CLEC19A: variants seen among roughly 807,000 people sequenced by gnomAD.
The protein encoded by CLEC19A is C-type lectin domain family 19 member A.
CLEC19A carries 21 observed loss-of-function variants against 26.1 expected under a neutral mutation model. The ratio of observed to expected loss-of-function variants is 0.80; its 90% CI spans 0.57 to 1.16. CLEC19A has a LOEUF of 1.16. Ranked by LOEUF, CLEC19A falls within the 50% of genes most tolerant of loss-of-function variation. CLEC19A has a pLI of 0.00. For missense variants in CLEC19A, 224 were observed against 227.6 expected, an observed-to-expected ratio of 0.98 and a Z score of 0.10; for synonymous variants, 89 against 88.6, an observed-to-expected ratio of 1.00 and a Z score of -0.03.
chr16:19,306,171 G>T (rs1431413275), intron 3 of CLEC19A, among the ~76,000 whole-genome samples: 1 of 147,746 alleles, frequency 6.8e-6, no homozygotes, highest in African/African-American at 2.5e-5. Flanking sequence ...CTTGAGACAG[G>T]GTCTTGCTCT....
intron 2 of CLEC19A, among the ~76,000 whole-genome samples, chr16:19,300,324 G>A (rs1320012517): frequency 6.6e-5 from 10 of 152,156 alleles, no homozygotes; most frequent in African/African-American, 2.4e-5. Flanking sequence ...TAAGATGGGA[G>A]GATTGCTTGA....
chr16:19,290,079 G>A (rs2143008586), intron 1 of CLEC19A, among the ~76,000 whole-genome samples: 1 of 152,218 alleles, frequency 6.6e-6, no homozygotes, highest in South Asian at 2.1e-4. Flanking sequence ...GGGGCCAGGG[G>A]AGCCAGCAGC....
intron 1 of CLEC19A, among the ~76,000 whole-genome samples, chr16:19,293,072 C>T (rs138957678): frequency 4.6e-5 from 7 of 152,084 alleles, no homozygotes; most frequent in Admixed American, 1.3e-4. Context: ...GAATTAGAGA[C>T]GTGTTTAGGA....
intron 3 of CLEC19A, among the ~76,000 whole-genome samples, chr16:19,305,530 T>C (rs1897933482): frequency 6.6e-6 from 1 of 152,200 alleles, no homozygotes; most frequent in African/African-American, 2.4e-5. Flanking sequence ...CGTGTATGCT[T>C]CTTGCCTTGC....
chr16:19,295,187 G>A (rs1315610248), intron 1 of CLEC19A, among the ~76,000 whole-genome samples: 1 of 151,948 alleles, frequency 6.6e-6, no homozygotes, highest in Non-Finnish European at 1.5e-5. Flanking sequence ...CCCAGGATGT[G>A]GGACTCTCAG....
In CLEC19A at chr16:19,307,220, T is replaced by C. The variant is rs923927453; in HGVS notation, c.349-325T>C. ...ACTAATGCTTTATTTGCTGTGTGAA[T>C]TTGGGTAGACCAATCTGAGTCTCAG... is the stretch of plus-strand genomic sequence containing the variant. On this transcript the variant is annotated intron_variant, in intron 3 of 4. Transcript: ENST00000636231. 7.9e-5 allele frequency among the ~76,000 whole-genome samples: 12 copies of C among 152,198 alleles called. 1 individual carries two copies. Among genetic ancestry groups the C allele is most frequent in the Admixed American group, 6.5e-5 (1 of 15,288 alleles).
chr16:19,295,697 A>G (rs1897692418), intron 1 of CLEC19A, among the ~76,000 whole-genome samples: 1 of 152,202 alleles, frequency 6.6e-6, no homozygotes, highest in African/African-American at 2.4e-5. Flanking sequence ...GTTCTCATGG[A>G]TGAGTGTCCT....
chr16:19,308,376 G>A (rs1025309531), intron 4 of CLEC19A, among the ~76,000 whole-genome samples: 12 of 152,040 alleles, frequency 7.9e-5, no homozygotes, highest in African/African-American at 1.4e-4. Context: ...CAGATTCTTT[G>A]TCTTCAAAAT....
At chr16:19,292,343 G>A (rs74812070) in intron 1 of CLEC19A, among the ~76,000 whole-genome samples, 4,907 of 152,174 alleles carry the variant, frequency 0.032, 117 homozygotes, top group Non-Finnish European at 0.053. Flanking sequence ...GTTGGCCTTC[G>A]TAGCAATCGT....
At position 19,310,344 on chromosome 16, in the gene CLEC19A, A is replaced by T. The variant is rs921783142; in HGVS notation, c.*1261A>T. 4 of 151,960 alleles carry T rather than the reference A, an allele frequency of 2.6e-5. No homozygotes were observed. Among genetic ancestry groups the T allele is most frequent in the African/African-American group, 9.7e-5 (4 of 41,340 alleles). The allele number at this position is 151,960 out of a possible 1,614,324, so 9.4% of individuals were successfully genotyped here. Reference sequence around the variant, plus strand: ...TAATTAGCCAAGCATGGTGATGCACATCTGTAGTCCCAGCTGTTTGGGAGG... The same window carrying T: ...TAATTAGCCAAGCATGGTGATGCACTTCTGTAGTCCCAGCTGTTTGGGAGG... On this transcript the variant is annotated 3_prime_UTR_variant, in exon 5 of 5. Transcript: ENST00000636231.
chr16:19,300,022 G>A (rs755096266), intron 2 of CLEC19A, among the ~76,000 whole-genome samples: 9 of 151,952 alleles, frequency 5.9e-5, no homozygotes, highest in Non-Finnish European at 1.2e-4. Flanking sequence ...TCAGGAGTTC[G>A]AGACCAGCCT....
Position 19,309,164 on chromosome 16 carries a change from A to T in CLEC19A, c.*81A>T. 1.0e-6 allele frequency: 1 copy of T among 998,762 alleles called. No homozygotes were observed. The highest frequency in any genetic ancestry group is 2.7e-5 in the East Asian group (1 of 37,582). 61.9% of individuals were successfully genotyped at this position (998,762 alleles called of 1,614,324 possible). ...CCAGTGTAGAATTGACATTGAATAC[A>T]TGTAAAACATACATAGGAAGTAAAT... On this transcript the variant is annotated 3_prime_UTR_variant, in exon 5 of 5. Transcript: ENST00000636231.
At chr16:19,297,218 G>A (rs1260737374) in intron 1 of CLEC19A, among the ~76,000 whole-genome samples, 3 of 152,178 alleles carry the variant, frequency 2.0e-5, no homozygotes, top group South Asian at 4.1e-4. Context: ...CCAGGAGTTC[G>A]ATGGGCAAAG....
At chr16:19,291,543 C>T (rs1429347260) in intron 1 of CLEC19A, among the ~76,000 whole-genome samples, 2 of 152,214 alleles carry the variant, frequency 1.3e-5, no homozygotes, top group Non-Finnish European at 2.9e-5. Context: ...GCATTTAACA[C>T]AATGCCTGGC....
chr16:19,302,487 T>A (rs1897855877), intron 2 of CLEC19A, among the ~76,000 whole-genome samples: 1 of 152,190 alleles, frequency 6.6e-6, no homozygotes, highest in Admixed American at 6.5e-5. Flanking sequence ...AGCAGATACA[T>A]GTTGTTGCAA....
At chr16:19,289,145 A>G (rs908227955) in intron 1 of CLEC19A, among the ~76,000 whole-genome samples, 1 of 152,224 alleles carries the variant, frequency 6.6e-6, no homozygotes, top group Non-Finnish European at 1.5e-5. Context: ...AAGTTGGAGC[A>G]TAGAGACATA....
intron 2 of CLEC19A, among the ~76,000 whole-genome samples, chr16:19,302,839 G>A (rs747901560): frequency 6.6e-5 from 10 of 152,130 alleles, no homozygotes; most frequent in East Asian, 5.8e-4. Flanking sequence ...CAAGTTTTGC[G>A]TCCAGACATG....
At chr16:19,295,250 G>A (rs1897683088) in intron 1 of CLEC19A, among the ~76,000 whole-genome samples, 1 of 152,020 alleles carries the variant, frequency 6.6e-6, no homozygotes, top group Non-Finnish European at 1.5e-5. Flanking sequence ...CTATCGTCCA[G>A]GCTGGATGGA....
At chr16:19,304,322 C>T in intron 3 of CLEC19A, 167 bp downstream of exon 3, 2 of 501,718 alleles carry the variant, frequency 4.0e-6, no homozygotes, top group South Asian at 4.2e-5. Context: ...TTGTGAAAGA[C>T]ATTTAATGAT....
Sources: allele counts gnomAD v4.1 joint callset (sites outside exome capture counted in the v4.1 genomes callset), GRCh38; gene constraint gnomAD v4.1.1; transcripts MANE v1.5; gene names NCBI Gene and HGNC (gene_info 2026-07-23, HGNC 2026-07-21).